Variants in IL1RAPL2 observed in about 807,000 individuals in gnomAD.
The protein encoded by IL1RAPL2 is interleukin 1 receptor accessory protein like 2.
A neutral mutation model predicts 44.1 loss-of-function variants in IL1RAPL2; 3 were observed. That is an observed-to-expected ratio of 0.07 (90% CI 0.03 to 0.18). IL1RAPL2 has a LOEUF of 0.18. Among genes scored for constraint, IL1RAPL2 ranks in the 10% least tolerant of loss-of-function variants. IL1RAPL2 has a pLI of 1.00. For missense variants in IL1RAPL2, 391 were observed against 496.4 expected (o/e 0.79, Z 2.02); for synonymous variants, 181 against 178.8 (o/e 1.01, Z -0.10).
intron 5 of IL1RAPL2, among the ~76,000 whole-genome samples, chrX:105,409,054 A>G (rs1398831653): frequency 2.7e-5 from 3 of 111,618 alleles, no homozygotes; most frequent in African/African-American, 9.7e-5. Flanking sequence ...CTTATGGCTG[A>G]TAGGAGGTTT....
intron 2 of IL1RAPL2, among the ~76,000 whole-genome samples, chrX:104,938,739 C>T (rs771431765): frequency 1.8e-5 from 2 of 109,749 alleles, no homozygotes; most frequent in Non-Finnish European, 3.8e-5. Context: ...GGAGGCTGGC[C>T]GTGGCGTTTA....
At chrX:105,703,942 T>A (rs2038141458) in intron 6 of IL1RAPL2, among the ~76,000 whole-genome samples, 1 of 112,076 alleles carries the variant, frequency 8.9e-6, no homozygotes, top group Admixed American at 9.5e-5. Context: ...ACTTAGAACA[T>A]AGATGTTGAA....
chrX:105,507,179 TTA>T (rs756775079), intron 6 of IL1RAPL2, among the ~76,000 whole-genome samples: 1 of 111,987 alleles, frequency 8.9e-6, no homozygotes, highest in Admixed American at 9.5e-5. Flanking sequence ...TTGTGCCATT[TTA>T]TGTTATTCTT....
chrX:105,314,823 TACA>T (rs2034825008), intron 5 of IL1RAPL2, among the ~76,000 whole-genome samples: 1 of 111,584 alleles, frequency 9.0e-6, no homozygotes, highest in Admixed American at 9.5e-5. Flanking sequence ...ATCTAATGTT[TACA>T]ACATTTCAGT....
chrX:105,208,005 G>A (rs186323611), intron 3 of IL1RAPL2, among the ~76,000 whole-genome samples: 98 of 111,684 alleles, frequency 8.8e-4, no homozygotes, highest in African/African-American at 3.0e-3. Flanking sequence ...TGGCTCTTGA[G>A]GATCTAAACA....
At chrX:104,829,465 GTC>G (rs1481660814) in intron 2 of IL1RAPL2, among the ~76,000 whole-genome samples, 1 of 111,960 alleles carries the variant, frequency 8.9e-6, no homozygotes, top group Non-Finnish European at 1.9e-5. Context: ...TGCACTCACT[GTC>G]TAACCAGTCC....
chrX:105,561,979 T>A (rs998853445), intron 6 of IL1RAPL2, among the ~76,000 whole-genome samples: 1 of 111,314 alleles, frequency 9.0e-6, no homozygotes, highest in Admixed American at 9.6e-5. Context: ...AGCACTTCAG[T>A]GTTCCTGTGA....
chrX:104,587,876 A>T (rs1162379820), intron 1 of IL1RAPL2, among the ~76,000 whole-genome samples: 1 of 112,103 alleles, frequency 8.9e-6, no homozygotes, highest in African/African-American at 3.2e-5. Flanking sequence ...AGCAGCCACA[A>T]GTAACTGTAG....
intron 2 of IL1RAPL2, among the ~76,000 whole-genome samples, chrX:105,002,548 A>C (rs778248171): frequency 2.5e-4 from 28 of 111,017 alleles, no homozygotes; most frequent in Non-Finnish European, 4.9e-4. Context: ...TTTAAATCTT[A>C]TAAACGATGG....
intron 2 of IL1RAPL2, among the ~76,000 whole-genome samples, chrX:105,034,328 C>T (rs1297382640): frequency 1.8e-5 from 2 of 112,022 alleles, no homozygotes; most frequent in East Asian, 2.8e-4. Flanking sequence ...AGATTTTCTG[C>T]TCTGTTTTTT....
chrX:105,430,260 A>T (rs1165220681), intron 5 of IL1RAPL2, among the ~76,000 whole-genome samples: 1 of 111,588 alleles, frequency 9.0e-6, no homozygotes, highest in Non-Finnish European at 1.9e-5. Flanking sequence ...ATTTCAATTC[A>T]CAACACCCAT....
chrX:104,600,690 C>T, intron 1 of IL1RAPL2, among the ~76,000 whole-genome samples: 1 of 110,524 alleles, frequency 9.0e-6, no homozygotes, highest in East Asian at 2.8e-4. Context: ...TCTAGTAGTC[C>T]CCAGTGTCTA....
At chrX:105,066,283 C>A (rs1225929492) in intron 2 of IL1RAPL2, among the ~76,000 whole-genome samples, 6 of 111,215 alleles carry the variant, frequency 5.4e-5, no homozygotes, top group Non-Finnish European at 1.1e-4. Context: ...CTACTTACCA[C>A]ATCTCACCCT....
At chrX:105,187,422 A>G (rs2033598668) in intron 2 of IL1RAPL2, among the ~76,000 whole-genome samples, 1 of 111,353 alleles carries the variant, frequency 9.0e-6, no homozygotes, top group Non-Finnish European at 1.9e-5. Flanking sequence ...ACTTCAATAC[A>G]TCTAATTATT....
At chrX:105,527,220 A>T (rs946314790) in intron 6 of IL1RAPL2, among the ~76,000 whole-genome samples, 2 of 111,134 alleles carry the variant, frequency 1.8e-5, no homozygotes, top group Non-Finnish European at 3.8e-5. Flanking sequence ...GAATGACAGA[A>T]GACATAATTT....
chrX:104,818,194 A>C (rs1217020228), intron 2 of IL1RAPL2, among the ~76,000 whole-genome samples: 1 of 108,582 alleles, frequency 9.2e-6, no homozygotes, highest in Non-Finnish European at 1.9e-5. Context: ...AATACAAAAA[A>C]TTAGCCGGGC....
intron 2 of IL1RAPL2, among the ~76,000 whole-genome samples, chrX:104,907,370 T>C (rs1451418942): frequency 2.3e-4 from 25 of 110,961 alleles, no homozygotes; most frequent in South Asian, 3.9e-4. Flanking sequence ...GCTCTTGCTT[T>C]TCTAGTTCTT....
At chrX:105,110,621 T>A (rs1238285166) in intron 2 of IL1RAPL2, among the ~76,000 whole-genome samples, 1 of 111,779 alleles carries the variant, frequency 8.9e-6, no homozygotes, top group Non-Finnish European at 1.9e-5. Context: ...CCTTTTAGAA[T>A]GCAAATTGCA....
intron 7 of IL1RAPL2, among the ~76,000 whole-genome samples, chrX:105,735,826 A>C (rs1230736700): frequency 9.0e-6 from 1 of 111,511 alleles, no homozygotes; most frequent in Non-Finnish European, 1.9e-5. Context: ...CACTTACTAA[A>C]TATTGGAAAA....
Sources: allele counts gnomAD v4.1 joint callset (sites outside exome capture counted in the v4.1 genomes callset), GRCh38; gene constraint gnomAD v4.1.1; transcripts MANE v1.5; gene names NCBI Gene and HGNC (gene_info 2026-07-23, HGNC 2026-07-21).